The following FAM120A variants were observed in gnomAD, a reference collection of about 807,000 sequenced individuals.
The protein encoded by FAM120A is constitutive coactivator of PPAR-gamma-like protein 1.
In FAM120A, 15 loss-of-function variants were observed where a neutral mutation model predicts 109.7. The observed-to-expected ratio is 0.14, with a 90% CI of 0.09 to 0.21. The LOEUF (loss-of-function observed/expected upper bound fraction) is 0.21. Among genes scored for constraint, FAM120A ranks in the 10% least tolerant of loss-of-function variants. FAM120A has a pLI of 1.00. For missense variants in FAM120A, 899 were observed against 1,439.3 expected, an observed-to-expected ratio of 0.62 and a Z score of 6.07; for synonymous variants, 493 against 572.8, an observed-to-expected ratio of 0.86 and a Z score of 1.99.
chr9:93,542,429 T>C (rs1050718254), intron 10 of FAM120A, among the ~76,000 whole-genome samples: 2 of 152,252 alleles, frequency 1.3e-5, no homozygotes, highest in Non-Finnish European at 2.9e-5. Context: ...TTTTCCTTAA[T>C]TTATTGGGAA....
intron 3 of FAM120A, among the ~76,000 whole-genome samples, chr9:93,490,432 G>C (rs149079684): frequency 9.2e-5 from 14 of 152,290 alleles, no homozygotes; most frequent in African/African-American, 3.1e-4. Context: ...AAATGATCCT[G>C]TCTAGTGGTA....
At chr9:93,523,817 C>G (rs1051019553) in intron 7 of FAM120A, among the ~76,000 whole-genome samples, 33 of 152,176 alleles carry the variant, frequency 2.2e-4, no homozygotes, top group South Asian at 1.0e-3. Flanking sequence ...TTAAGCTCAC[C>G]CATTATGTGA....
At position 93,564,666 on chromosome 9, in the gene FAM120A, AT is replaced by A; in HGVS notation, c.*128del. On this transcript the variant is annotated 3_prime_UTR_variant, in exon 18 of 18. Coordinates refer to ENST00000277165, the MANE Select transcript of FAM120A (RefSeq NM_014612.5). ...TAAGAGAAAAATGAGGACTTTGGAA[AT>A]TCAGATCCCTCTTTGATATCAGAGA... The A allele has an allele frequency of 1.4e-6, 1 of 706,834 alleles. No homozygotes were observed. The allele number at this position is 706,834 out of a possible 1,614,324, so 43.8% of individuals were successfully genotyped here.
In FAM120A at chr9:93,529,537, A is replaced by G. The variant is rs1179898704; in HGVS notation, c.1691A>G (p.Lys564Arg). 1.2e-6 allele frequency: 2 copies of G among 1,614,238 alleles called. No individual in the cohort carries two copies. Among genetic ancestry groups the G allele is most frequent in the East Asian group, 2.2e-5 (1 of 44,886 alleles). ...CTGAGAGTGGCCGAGCACAGGCACA[A>G]GAAGGGGCTGATGTACCCCTACATC... ...EVLRVAEHRHKKGLMYPYIFH... is the reference protein window; with the variant it reads ...EVLRVAEHRHRKGLMYPYIFH... The change falls in exon 9 of 18, where the codon AAG becomes AGG. Residue 564 changes from lysine to arginine, a missense_variant. Transcript: ENST00000277165.
In FAM120A at chr9:93,485,773, G is replaced by T. The variant is rs76391866; in HGVS notation, c.804+9435G>T. Among the ~76,000 whole-genome samples, 155 of 149,562 alleles carry T rather than the reference G, an allele frequency of 1.0e-3. 2 individuals are homozygous for T. The East Asian group carries it at 0.029, about 28-fold the overall frequency. ...GTCACCCCAAAAAGAAGCCATGTCC[G>T]CTTCGGCAGTCACTCTCCACTTCTT... On this transcript the variant is annotated intron_variant, in intron 3 of 17. Coordinates refer to ENST00000277165, the MANE Select transcript of FAM120A (RefSeq NM_014612.5).
chr9:93,539,993 G>A (rs1421070143), intron 10 of FAM120A, among the ~76,000 whole-genome samples: 1 of 152,244 alleles, frequency 6.6e-6, no homozygotes, highest in Non-Finnish European at 1.5e-5. Context: ...TGTAAGTGAT[G>A]TGTAAAATGT....
chr9:93,483,436 C>A (rs149463666), intron 3 of FAM120A, among the ~76,000 whole-genome samples: 1 of 151,542 alleles, frequency 6.6e-6, no homozygotes, highest in Non-Finnish European at 1.5e-5. Context: ...GGCAAGATGA[C>A]GTAGTTTGAC....
Position 93,452,218 on chromosome 9 carries a change from G to T in FAM120A, c.303G>T (p.Glu101Asp), listed in dbSNP as rs1416988256. ...TCGTCTTCTTCAACGGCGCGCTCGAGAAGGCCCGGCTGCACGAGTGGGTCA... is the reference window on the plus strand; with the variant it reads ...TCGTCTTCTTCAACGGCGCGCTCGATAAGGCCCGGCTGCACGAGTGGGTCA... ...ELFVFFNGAL[E>D]KARLHEWVKR... is the part of the protein sequence containing the mutation. Residue 101 changes from glutamate to aspartate, a missense_variant, in exon 1 of 18, where the codon GAG becomes GAT. Glu to Asp is a conservative substitution (Grantham distance 45). This residue lies in a region of FAM120A where 258 missense variants were observed against 451.4 expected (regional missense o/e 0.57). Coordinates refer to ENST00000277165, the MANE Select transcript of FAM120A (RefSeq NM_014612.5). This position sits in a 1 kb window ranked among gnomAD's most constrained non-coding sequence, Gnocchi z 7.0. 3 of 1,611,518 alleles carry T rather than the reference G, an allele frequency of 1.9e-6. No homozygotes were observed. The East Asian group carries it at 6.7e-5, about 36-fold the overall frequency.
intron 1 of FAM120A, 101 bp from the exon 2 acceptor site, chr9:93,471,040 A>G (rs765334119): frequency 6.6e-5 from 94 of 1,416,176 alleles, no homozygotes; most frequent in Non-Finnish European, 8.9e-5. Context: ...GATAGTTTTC[A>G]TAAATGTGAT....
At position 93,564,755 on chromosome 9, in the gene FAM120A, GAGAA is replaced by G. The variant is rs1209444681; in HGVS notation, c.*221_*224del. ...CAAAATGCTACAATAAAACAAAAAA[GAGAA>G]AGAAAATGAAGAGCATTTGACTCCC... On this transcript the variant is annotated 3_prime_UTR_variant, in exon 18 of 18. Coordinates refer to ENST00000277165, the MANE Select transcript of FAM120A (RefSeq NM_014612.5). 3.9e-5 allele frequency: 18 copies of G among 466,892 alleles called. No individual in the cohort carries two copies. The highest frequency in any genetic ancestry group is 5.6e-5 in the Non-Finnish European group (15 of 267,162). 28.9% of individuals were successfully genotyped at this position (466,892 alleles called of 1,614,324 possible). A position where few individuals can be genotyped will look rare whatever the true frequency, so the allele number is the denominator to read the frequency against.
In FAM120A at chr9:93,452,281, C is replaced by T. The variant is rs767874895; in HGVS notation, c.366C>T (p.Ile122=). 3.7e-6 allele frequency: 6 copies of T among 1,612,668 alleles called. No homozygotes were observed. Among genetic ancestry groups the T allele is most frequent in the South Asian group, 1.1e-5 (1 of 91,044 alleles). The change falls in exon 1 of 18, where the codon ATC becomes ATT. Residue 122 remains isoleucine (I), a synonymous_variant. Transcript: ENST00000277165. The surrounding 1 kb of genome is among the most constrained non-coding windows in gnomAD (Gnocchi z 7.0). ...ACGAGCGCCAGACGGCACAGCAGAT[C>T]GTCAGCCATGTCCAGAACAAGGGCA... ...QGNERQTAQQ[I]VSHVQNKGTP...
Position 93,543,205 on chromosome 9 carries a change from G to T in FAM120A, c.1910-17G>T. ...ATGATGCATGAATGTGTCTTCTCTG[G>T]CTTTTTTTTCCTGTAGTTTCACCAG... On this transcript the variant is annotated splice_polypyrimidine_tract_variant and intron_variant, in intron 10 of 17. Transcript: ENST00000277165. 1 of 1,610,050 alleles carries T rather than the reference G, an allele frequency of 6.2e-7. No individual in the cohort carries two copies. The highest frequency in any genetic ancestry group is 8.5e-7 in the Non-Finnish European group (1 of 1,176,906).
intron 10 of FAM120A, among the ~76,000 whole-genome samples, chr9:93,542,699 TAG>T (rs1218766629): frequency 1.3e-5 from 2 of 152,220 alleles, no homozygotes; most frequent in Admixed American, 6.5e-5. Context: ...GTCTTAAAAA[TAG>T]AGTTTAACAG....
intron 3 of FAM120A, among the ~76,000 whole-genome samples, chr9:93,487,265 A>G (rs560586468): frequency 6.6e-6 from 1 of 152,092 alleles, no homozygotes; most frequent in South Asian, 2.1e-4. Context: ...AGGTTCAAGC[A>G]ATTCTTCTGC....
At chr9:93,482,184 A>ATTTTTTTTTTTT (rs386415495) in intron 3 of FAM120A, among the ~76,000 whole-genome samples, 1 of 118,370 alleles carries the variant, frequency 8.4e-6, no homozygotes, top group Non-Finnish European at 1.8e-5. Context: ...ATTCACCTCC[A>ATTTTTTTTTTTT]TTTTTTTTTT....
chr9:93,507,997 A>C (rs1321947784), intron 5 of FAM120A, among the ~76,000 whole-genome samples: 1 of 152,138 alleles, frequency 6.6e-6, no homozygotes, highest in Non-Finnish European at 1.5e-5. Context: ...GATGATGACT[A>C]CTGAGAGAGA....
rs1310647087 is a variant in FAM120A, at chr9:93,512,167, A to G, written c.1031-3500A>G. The stretch of plus-strand genomic sequence containing the variant: ...TCTTTGTTTTGTTTAACATTTCAGG[A>G]TCATATGCCAAGTAATAGAGGAACA... On this transcript the variant is annotated intron_variant, in intron 5 of 17. Coordinates refer to ENST00000277165, the MANE Select transcript of FAM120A (RefSeq NM_014612.5). 1.3e-5 allele frequency among the ~76,000 whole-genome samples: 2 copies of G among 152,210 alleles called. 1 individual carries two copies. Among genetic ancestry groups the G allele is most frequent in the South Asian group, 4.1e-4 (2 of 4,828 alleles).
chr9:93,542,590 A>G (rs1861743582), intron 10 of FAM120A, among the ~76,000 whole-genome samples: 1 of 152,198 alleles, frequency 6.6e-6, no homozygotes, highest in Non-Finnish European at 1.5e-5. Context: ...ATAACTTTAC[A>G]CTCTGTCTGA....
chr9:93,452,930 A>C lies in FAM120A; in HGVS notation c.474+541A>C, dbSNP rs139318841. The C allele has an allele frequency of 7.4e-4, 1,055 of 1,418,448 alleles. 5 individuals carry two copies. In the African/African-American group the frequency reaches 0.013, roughly 18 times the overall value. 87.9% of individuals were successfully genotyped at this position (1,418,448 alleles called of 1,614,324 possible). ...AGCCCGGTGACAGCGAGACGTGTCT[A>C]AGGGCCAGTGCCCTGGCCTCTACTT... On this transcript the variant is annotated intron_variant, in intron 1 of 17. Transcript: ENST00000277165. The surrounding 1 kb of genome is among the most constrained non-coding windows in gnomAD (Gnocchi z 7.0).
Sources: gnomAD v4.1 joint callset for allele counts (sites outside exome capture counted in the v4.1 genomes callset) on GRCh38, gnomAD v4.1.1 for gene constraint, gnomAD v4.1.1 regional missense constraint, Gnocchi (gnomAD v3.1) non-coding constraint, MANE v1.5 for transcripts, NCBI Gene and HGNC (gene_info 2026-07-23, HGNC 2026-07-21) for gene names.